The following C6orf132 variants were observed in gnomAD, a reference collection of about 807,000 sequenced individuals.
C6orf132 encodes the protein chromosome 6 open reading frame 132, also known as uncharacterized protein C6orf132.
A neutral mutation model predicts 65.3 loss-of-function variants in C6orf132; 43 were observed. The ratio of observed to expected loss-of-function variants is 0.66; its 90% CI spans 0.52 to 0.85. The LOEUF is 0.85. Ranked by LOEUF, C6orf132 falls within the 40% of genes least tolerant of loss-of-function variation. The pLI is 0.00. For missense variants in C6orf132, 1,488 were observed against 1,548.8 expected (o/e 0.96, Z 0.66); for synonymous variants, 631 against 654.1 (o/e 0.96, Z 0.54).
At position 42,107,154 on chromosome 6, in the gene C6orf132, C is replaced by A; in HGVS notation, c.758G>T (p.Gly253Val). 1 of 1,433,068 alleles carries A rather than the reference C, an allele frequency of 7.0e-7. No homozygotes were observed. The allele number at this position is 1,433,068 out of a possible 1,614,324, so 88.8% of individuals were successfully genotyped here. ...ATCTGATTTCCACTTGGTGACACCC[C>A]CAGGGGGAAAGAGACGAGTCCCCAC... ...HTVGTRLFPP[G>V]GVTKWKSDVA... Residue 253 changes from glycine (G) to valine (V), a missense_variant, in exon 4 of 5, where the codon GGG (glycine) becomes GTG (valine). By Grantham distance (109) the Gly-to-Val change is moderately radical. Coordinates refer to ENST00000341865, the MANE Select transcript of C6orf132 (RefSeq NM_001164446.3).
chr6:42,142,022 C>T (rs1767041869), intron 1 of C6orf132, among the ~76,000 whole-genome samples: 1 of 152,048 alleles, frequency 6.6e-6, no homozygotes, highest in African/African-American at 2.4e-5. Context: ...AATTAAACAC[C>T]TCCGAATAAG....
intron 1 of C6orf132, among the ~76,000 whole-genome samples, chr6:42,138,148 A>T (rs1766977917): frequency 6.6e-6 from 1 of 152,052 alleles, no homozygotes; most frequent in Non-Finnish European, 1.5e-5. Flanking sequence ...AATTAAATTA[A>T]TTTTTTTGGG....
chr6:42,106,119 C>T lies in C6orf132; in HGVS notation c.1793G>A (p.Gly598Glu). 6.5e-7 allele frequency: 1 copy of T among 1,537,252 alleles called. No individual in the cohort carries two copies. Among genetic ancestry groups the T allele is most frequent in the South Asian group, 1.2e-5 (1 of 84,058 alleles). The change falls in exon 4 of 5, where the codon GGA becomes GAA. Residue 598 changes from glycine to glutamate, a missense_variant. Gly to Glu is a moderately conservative substitution (Grantham distance 98). Transcript: ENST00000341865. ...SLPPKPRLEGGRICENGADDD... is the reference protein window; with the variant it reads ...SLPPKPRLEGERICENGADDD... ...ATCAGCCCCGTTTTCACAAATTCTT[C>T]CCCCTTCTAGCCGAGGCTTAGGGGG...
chr6:42,134,710 G>T (rs1582285395), intron 1 of C6orf132, among the ~76,000 whole-genome samples: 1 of 150,160 alleles, frequency 6.7e-6, no homozygotes, highest in Non-Finnish European at 1.5e-5. Context: ...GGAGGCAGAG[G>T]TTGCAGTGAG....
chr6:42,111,278 ATTTTTT>A (rs61241413), intron 2 of C6orf132, among the ~76,000 whole-genome samples: 4 of 119,968 alleles, frequency 3.3e-5, no homozygotes, highest in African/African-American at 3.5e-5. Flanking sequence ...TTCCTGGCTA[ATTTTTT>A]TTTTTTTTTT....
intron 2 of C6orf132, among the ~76,000 whole-genome samples, chr6:42,128,200 C>T (rs1202628162): frequency 6.6e-6 from 1 of 151,956 alleles, no homozygotes; most frequent in Non-Finnish European, 1.5e-5. Flanking sequence ...GCTGGGATTA[C>T]AGGCGTGAGC....
chr6:42,119,550 T>C (rs1349027691), intron 2 of C6orf132, among the ~76,000 whole-genome samples: 1 of 151,524 alleles, frequency 6.6e-6, no homozygotes, highest in Non-Finnish European at 1.5e-5. Context: ...TTTTGCTATG[T>C]TGGCTAGGCT....
chr6:42,135,232 G>A (rs958792913), intron 1 of C6orf132, among the ~76,000 whole-genome samples: 2 of 152,196 alleles, frequency 1.3e-5, no homozygotes, highest in African/African-American at 2.4e-5. Context: ...TGATGCCTGG[G>A]GCTGAATAGC....
chr6:42,107,527 T>A lies in C6orf132; in HGVS notation c.385A>T (p.Arg129Trp). 6.4e-7 allele frequency: 1 copy of A among 1,550,558 alleles called. No individual in the cohort carries two copies. Among genetic ancestry groups the A allele is most frequent in the Non-Finnish European group, 8.7e-7 (1 of 1,146,652 alleles). Residue 129 changes from arginine to tryptophan, a missense_variant, in exon 4 of 5, where the codon AGG (arginine) becomes TGG (tryptophan). Coordinates refer to ENST00000341865, the MANE Select transcript of C6orf132 (RefSeq NM_001164446.3). ...LRLYSSVGDL[R>W]PGQYGQDLLI... is the part of the protein sequence containing the mutation. ...AGATCCTGGCCATATTGTCCAGGCC[T>A]CAGGTCACCCACAGAGCTGTACAGT... is the stretch of plus-strand genomic sequence containing the variant.
Position 42,104,937 on chromosome 6 carries a change from A to G in C6orf132, c.2975T>C (p.Phe992Ser), listed in dbSNP as rs1176711619. 6.8e-7 allele frequency: 1 copy of G among 1,476,340 alleles called. No homozygotes were observed. Among genetic ancestry groups the G allele is most frequent in the East Asian group, 2.5e-5 (1 of 40,348 alleles). The allele number at this position is 1,476,340 out of a possible 1,614,324, so 91.5% of individuals were successfully genotyped here. A position where few individuals can be genotyped will look rare whatever the true frequency, so the allele number is the denominator to read the frequency against. ...GGCCGGGGGCTCAGGGTCATTGCTG[A>G]ACTCTGGCGGCGGTGGGATGACCTC... ...NFEVIPPPPE[F>S]SNDPEPPAPA... The change falls in exon 4 of 5, where the codon TTC (phenylalanine) becomes TCC (serine). Residue 992 changes from phenylalanine to serine, a missense_variant. By Grantham distance (155) the Phe-to-Ser change is radical. Transcript: ENST00000341865. This position sits in a 1 kb window ranked among gnomAD's most constrained non-coding sequence, Gnocchi z 4.1.
intron 1 of C6orf132, 81 bp downstream of exon 1, chr6:42,142,219 G>A: frequency 1.3e-5 from 18 of 1,439,076 alleles, no homozygotes; most frequent in Non-Finnish European, 1.6e-5. Context: ...TCCCCTCCGC[G>A]CCTCCAGGAG....
intron 1 of C6orf132, among the ~76,000 whole-genome samples, chr6:42,130,666 T>C (rs1766837220): frequency 6.6e-6 from 1 of 152,170 alleles, no homozygotes; most frequent in Non-Finnish European, 1.5e-5. Context: ...GCTACTCTTA[T>C]TGGGTGCCTA....
chr6:42,123,454 AAGGAGAAGGAGAAGAAGG>A lies in C6orf132; in HGVS notation c.252+5200_252+5217del, dbSNP rs1266348533. Among the ~76,000 whole-genome samples, 317 of 56,110 alleles carry A rather than the reference AAGGAGAAGGAGAAGAAGG, an allele frequency of 5.6e-3. 2 individuals carry two copies. The highest frequency in any genetic ancestry group is 0.017 in the East Asian group (58 of 3,404). The allele number at this position is 56,110 out of a possible 152,430, so 36.8% of individuals were successfully genotyped here. On this transcript the variant is annotated intron_variant, in intron 2 of 4. Coordinates refer to ENST00000341865, the MANE Select transcript of C6orf132 (RefSeq NM_001164446.3). ...GAAGGAGAAGGAGAAGAAGGAGAAGAAGGAGAAGGAGAAGAAGGAGAAGGAGAAGAAGAAGAAGAAAAG... is the reference window on the plus strand; with the variant it reads ...GAAGGAGAAGGAGAAGAAGGAGAAGAAGAAGGAGAAGAAGAAGAAGAAAAG...
At chr6:42,129,758 A>C (rs1221138585) in intron 1 of C6orf132, among the ~76,000 whole-genome samples, 1 of 152,214 alleles carries the variant, frequency 6.6e-6, no homozygotes, top group Non-Finnish European at 1.5e-5. Context: ...TCATGAGCAA[A>C]GAGGGCTTTC....
chr6:42,126,480 A>G lies in C6orf132; in HGVS notation c.252+2192T>C, dbSNP rs144850914. On this transcript the variant is annotated intron_variant, in intron 2 of 4. Transcript: ENST00000341865. ...AGAGGTGTGTCAACTCTGGGCCCAC[A>G]CTGCTATGAATCTGGGTATGTGTGC... 1,473 of 156,888 alleles carry G rather than the reference A, an allele frequency of 9.4e-3. 12 individuals are homozygous for G. Among genetic ancestry groups the G allele is most frequent in the South Asian group, 0.013 (63 of 4,866 alleles). The allele number at this position is 156,888 out of a possible 1,614,324, so 9.7% of individuals were successfully genotyped here.
At chr6:42,140,536 G>C (rs900368457) in intron 1 of C6orf132, among the ~76,000 whole-genome samples, 1 of 152,234 alleles carries the variant, frequency 6.6e-6, no homozygotes, top group Non-Finnish European at 1.5e-5. Flanking sequence ...TCAAATACTA[G>C]TTCTGCCTCA....
intron 3 of C6orf132, 100 bp from the exon 4 acceptor site, chr6:42,107,683 G>A (rs1766436133): frequency 7.3e-7 from 1 of 1,368,448 alleles, no homozygotes; most frequent in Non-Finnish European, 1.0e-6. Context: ...GCACCCAAGA[G>A]AATGACTGGA....
chr6:42,137,352 T>C (rs1299483705), intron 1 of C6orf132, among the ~76,000 whole-genome samples: 2 of 152,150 alleles, frequency 1.3e-5, no homozygotes, highest in East Asian at 3.9e-4. Context: ...ATGTGTGCAC[T>C]GGACTGCCGG....
intron 2 of C6orf132, among the ~76,000 whole-genome samples, 178 bp from the exon 3 acceptor site, chr6:42,110,469 A>C (rs1419706038): frequency 6.6e-6 from 1 of 152,256 alleles, no homozygotes; most frequent in African/African-American, 2.4e-5. Context: ...CTTGTGGTAC[A>C]GTCAACCAAT....
Sources: allele counts gnomAD v4.1 joint callset (sites outside exome capture counted in the v4.1 genomes callset), GRCh38; gene constraint gnomAD v4.1.1; non-coding constraint Gnocchi (gnomAD v3.1); transcripts MANE v1.5; gene names NCBI Gene and HGNC (gene_info 2026-07-23, HGNC 2026-07-21).